JOSD2: variants seen among roughly 807,000 people sequenced by gnomAD.
JOSD2 encodes the protein josephin-2.
A neutral mutation model predicts 19.3 loss-of-function variants in JOSD2; 20 were observed. The observed-to-expected ratio is 1.04, with a 90% CI of 0.73 to 1.51. The LOEUF is 1.51. Among genes scored for constraint, JOSD2 ranks in the 40% most tolerant of loss-of-function variants. The pLI is 0.00. For synonymous variants in JOSD2, 118 were observed against 123.7 expected, an observed-to-expected ratio of 0.95 and a Z score of 0.31; for missense variants, 215 against 250.4, an observed-to-expected ratio of 0.86 and a Z score of 0.95.
rs1979354471 is a variant in JOSD2, at chr19:50,506,522, A to G, written c.323T>C (p.Leu108Pro). ...CAGCCCCAGCGACACGGGCGAGGGCAGGTTCAGGATCAGCCCCAGTACCTG... is the reference window on the plus strand; with the variant it reads ...CAGCCCCAGCGACACGGGCGAGGGCGGGTTCAGGATCAGCCCCAGTACCTG... ...LPQVLGLILNLPSPVSLGLLS... is the reference protein window; with the variant it reads ...LPQVLGLILNPPSPVSLGLLS... Residue 108 changes from leucine (L) to proline (P), a missense_variant, in exon 4 of 5, where the codon CTG (leucine) becomes CCG (proline). By Grantham distance (98) the Leu-to-Pro change is moderately conservative. Transcript: ENST00000598418. 2.6e-6 allele frequency: 4 copies of G among 1,552,026 alleles called. No individual in the cohort carries two copies. The highest frequency in any genetic ancestry group is 3.5e-6 in the Non-Finnish European group (4 of 1,148,280).
chr19:50,507,896 TCTGCCCTGTCCC>T, intron 2 of JOSD2, 197 bp from the exon 3 acceptor site: 2 of 666,954 alleles, frequency 3.0e-6, no homozygotes, highest in South Asian at 3.8e-5. Flanking sequence ...CTGCCCTGAC[TCTGCCCTGTCCC>T]CAAGTCCTGC....
intron 3 of JOSD2, among the ~76,000 whole-genome samples, chr19:50,506,793 CCCA>C (rs1402953867): frequency 1.8e-5 from 2 of 112,478 alleles, no homozygotes; most frequent in Non-Finnish European, 3.7e-5. Context: ...CACCCACCCA[CCCA>C]CCGTCCACCC....
intron 2 of JOSD2, chr19:50,507,921 C>T (rs531611574): frequency 1.7e-6 from 1 of 603,536 alleles, no homozygotes; most frequent in East Asian, 2.9e-5. Flanking sequence ...AGTCCTGCCT[C>T]TCCTGCCCCG....
intron 2 of JOSD2, among the ~76,000 whole-genome samples, chr19:50,508,837 A>G (rs998016154): frequency 6.6e-6 from 1 of 151,756 alleles, no homozygotes; most frequent in Non-Finnish European, 1.5e-5. Context: ...CTTGTTGCGA[A>G]TGATAGAGGA....
At chr19:50,509,065 G>A (rs2122710382) in intron 2 of JOSD2, among the ~76,000 whole-genome samples, 1 of 151,746 alleles carries the variant, frequency 6.6e-6, no homozygotes, top group Admixed American at 6.6e-5. Context: ...CAGGGACATG[G>A]GGACAGAGAG....
chr19:50,510,259 C>T (rs1467167310), intron 2 of JOSD2, 27 bp downstream of exon 2: 1 of 1,613,004 alleles, frequency 6.2e-7, no homozygotes, highest in Non-Finnish European at 8.5e-7. Flanking sequence ...CTCTGCTGCT[C>T]CAGGGGCTGG....
intron 2 of JOSD2, chr19:50,508,026 GTCCTGTCTCTCCT>G (rs1462805656): frequency 9.5e-6 from 4 of 422,648 alleles, no homozygotes; most frequent in African/African-American, 8.3e-5. Flanking sequence ...CTGTCCCCAA[GTCCTGTCTCTCCT>G]GCCCTGACTC....
intron 2 of JOSD2, among the ~76,000 whole-genome samples, chr19:50,508,289 C>G (rs1979508341): frequency 6.6e-6 from 1 of 152,222 alleles, no homozygotes; most frequent in South Asian, 2.1e-4. Flanking sequence ...GGGGCCCTGT[C>G]TGGGCTCCCC....
intron 2 of JOSD2, among the ~76,000 whole-genome samples, chr19:50,508,976 T>A (rs1186533455): frequency 6.6e-6 from 1 of 151,264 alleles, no homozygotes; most frequent in Non-Finnish European, 1.5e-5. Flanking sequence ...CTCTCTAGGA[T>A]CAAGTGGGGA....
chr19:50,510,581 C>T (rs1979736696), intron 1 of JOSD2, 133 bp from the exon 2 acceptor site: 2 of 769,818 alleles, frequency 2.6e-6, no homozygotes, highest in South Asian at 3.7e-5. Flanking sequence ...GGGCCCCTGA[C>T]CCCGCTCCCT....
intron 3 of JOSD2, 118 bp from the exon 4 acceptor site, chr19:50,506,690 G>T: frequency 1.1e-6 from 1 of 921,546 alleles, no homozygotes; most frequent in South Asian, 1.8e-5. Context: ...CCACCCAGAG[G>T]TGTTCCTTAA....
chr19:50,510,097 G>C, intron 2 of JOSD2, 189 bp downstream of exon 2: 1 of 599,810 alleles, frequency 1.7e-6, no homozygotes, highest in Non-Finnish European at 2.9e-6. Context: ...GGTCTGGCTG[G>C]GGCTGAGGCC....
Position 50,511,160 on chromosome 19 carries a change from C to A in JOSD2, c.-61G>T, listed in dbSNP as rs1030659078. The stretch of plus-strand genomic sequence containing the variant: ...CCACCGAGCCAGGGGTTTCCGCATC[C>A]CCTTCCTGGGCGGCGGCTCTGGGCT... On this transcript the variant is annotated 5_prime_UTR_variant, in exon 1 of 5. Coordinates refer to ENST00000598418, the MANE Select transcript of JOSD2 (RefSeq NM_001270639.2). The A allele has an allele frequency of 1.3e-5, 6 of 448,508 alleles. No individual in the cohort carries two copies. The highest frequency in any genetic ancestry group is 1.8e-5 in the Non-Finnish European group (4 of 222,924). 27.8% of individuals were successfully genotyped at this position (448,508 alleles called of 1,614,324 possible). A position where few individuals can be genotyped will look rare whatever the true frequency, so the allele number is the denominator to read the frequency against.
In JOSD2 at chr19:50,506,180, G is replaced by A. The variant is rs758562059; in HGVS notation, c.560C>T (p.Thr187Ile). ...EVEEKGSWLRTD is the reference protein window; with the variant it reads ...EVEEKGSWLRID ...GCCGATGGTCAGCCATGGTCAGTCT[G>A]TCCGCAGCCAGCTGCCCTTCTCCTC... Residue 187 changes from threonine (T) to isoleucine (I), a missense_variant, in exon 5 of 5, where the codon ACA becomes ATA. Transcript: ENST00000598418. 1.9e-6 allele frequency: 3 copies of A among 1,612,592 alleles called. No individual in the cohort carries two copies. Among genetic ancestry groups the A allele is most frequent in the South Asian group, 2.2e-5 (2 of 91,070 alleles).
At position 50,506,011 on chromosome 19, in the gene JOSD2, C is replaced by T; in HGVS notation, c.*162G>A. ...ACAGGCCAGGCAGGCAGCAAATCAG[C>T]AGATTTATTGAGGCAGCAGCGGCAG... On this transcript the variant is annotated 3_prime_UTR_variant, in exon 5 of 5. Transcript: ENST00000598418. 1.5e-6 allele frequency: 1 copy of T among 672,094 alleles called. No individual in the cohort carries two copies. The highest frequency in any genetic ancestry group is 2.5e-6 in the Non-Finnish European group (1 of 401,098). 41.6% of individuals were successfully genotyped at this position (672,094 alleles called of 1,614,324 possible).
chr19:50,507,564 TG>T lies in JOSD2; in HGVS notation c.272+9del. On this transcript the variant is annotated intron_variant, in intron 3 of 4. Transcript: ENST00000598418. Reference sequence around the variant, plus strand: ...CGGCCCAGCACATGCTGTGCTGCTCTGGGGCCTACCTCCTCCTGTCCCACCA... The same window carrying T: ...CGGCCCAGCACATGCTGTGCTGCTCTGGGCCTACCTCCTCCTGTCCCACCA... 1.9e-6 allele frequency: 3 copies of T among 1,601,166 alleles called. No individual in the cohort carries two copies.
At chr19:50,508,208 C>T (rs1366356022) in intron 2 of JOSD2, among the ~76,000 whole-genome samples, 1 of 152,222 alleles carries the variant, frequency 6.6e-6, no homozygotes, top group African/African-American at 2.4e-5. Context: ...CCAGTCCCTT[C>T]CTCTGTCCTT....
In JOSD2 at chr19:50,506,426, T is replaced by G. The variant is rs750314091; in HGVS notation, c.419A>C (p.Asp140Ala). 2 of 1,604,516 alleles carry G rather than the reference T, an allele frequency of 1.2e-6. No homozygotes were observed. Among genetic ancestry groups the G allele is most frequent in the East Asian group, 4.5e-5 (2 of 44,436 alleles). Residue 140 changes from aspartate (D) to alanine (A), a missense_variant, in exon 4 of 5, where the codon GAC (aspartate) becomes GCC (alanine). Transcript: ENST00000598418. ...GGCCTCGGGCGCCCGCAGCTTGGAG[T>G]CCAGGTTGTAGTAGACACCGTCCAC... The part of the protein sequence containing the change: ...RQVDGVYYNL[D>A]SKLRAPEALG...
Position 50,511,110 on chromosome 19 carries a change from C to T in JOSD2, c.-18+7G>A, listed in dbSNP as rs1231297543. ...GCGCTCGCCCTTTGCCTGGCAACGCCCCTCACCCCGCCTGCCTCTCCGCTC... is the reference window on the plus strand; with the variant it reads ...GCGCTCGCCCTTTGCCTGGCAACGCTCCTCACCCCGCCTGCCTCTCCGCTC... On this transcript the variant is annotated splice_region_variant and intron_variant, in intron 1 of 4. Transcript: ENST00000598418. The T allele has an allele frequency of 1.1e-5, 5 of 453,148 alleles. No individual in the cohort carries two copies. The highest frequency in any genetic ancestry group is 7.8e-5 in the South Asian group (5 of 64,432). The allele number at this position is 453,148 out of a possible 1,614,324, so 28.1% of individuals were successfully genotyped here.
Sources: gnomAD v4.1 joint callset for allele counts (sites outside exome capture counted in the v4.1 genomes callset) on GRCh38, gnomAD v4.1.1 for gene constraint, MANE v1.5 for transcripts, NCBI Gene and HGNC (gene_info 2026-07-23, HGNC 2026-07-21) for gene names.